ASTN2: variants seen among roughly 807,000 people sequenced by gnomAD.
ASTN2 encodes the protein astrotactin-2.
ASTN2 carries 54 observed loss-of-function variants against 139.8 expected under a neutral mutation model. That is an observed-to-expected ratio of 0.39 (90% CI 0.31 to 0.48). The LOEUF is 0.48. ASTN2 is among the 20% of genes least tolerant of loss of function. The pLI, the probability that ASTN2 is intolerant of heterozygous loss-of-function variation, is 0.95. For synonymous variants in ASTN2, 756 were observed against 719.5 expected (o/e 1.05, Z -0.81); for missense variants, 1,565 against 1,725.1 (o/e 0.91, Z 1.64).
At chr9:116,682,337 C>T (rs1429875861) in intron 16 of ASTN2, among the ~76,000 whole-genome samples, 5 of 152,184 alleles carry the variant, frequency 3.3e-5, no homozygotes, top group Non-Finnish European at 7.3e-5. Flanking sequence ...TACCATCTCA[C>T]ACCAGTTAGA....
intron 19 of ASTN2, among the ~76,000 whole-genome samples, chr9:116,572,989 ATGCG>A (rs1427695069): frequency 0.022 from 3,303 of 150,970 alleles, 97 homozygotes; most frequent in African/African-American, 0.069. Flanking sequence ...ATGTGGGTAC[ATGCG>A]TGCACACATG....
chr9:117,250,178 T>C (rs777815768), intron 2 of ASTN2, among the ~76,000 whole-genome samples: 2 of 152,182 alleles, frequency 1.3e-5, no homozygotes, highest in Non-Finnish European at 2.9e-5. Flanking sequence ...GATGCAGACA[T>C]AGGAACTGGC....
At chr9:116,774,693 G>C (rs936056246) in intron 13 of ASTN2, among the ~76,000 whole-genome samples, 1 of 152,104 alleles carries the variant, frequency 6.6e-6, no homozygotes, top group African/African-American at 2.4e-5. Flanking sequence ...CTAGGAACAG[G>C]AATAATAATC....
At chr9:116,943,160 C>T (rs1264890190) in intron 10 of ASTN2, among the ~76,000 whole-genome samples, 1 of 152,108 alleles carries the variant, frequency 6.6e-6, no homozygotes, top group Non-Finnish European at 1.5e-5. Context: ...AGCTCATAGA[C>T]TGAAGGGAAG....
At chr9:116,608,610 G>GTTTGAACAAAAGAGTTTGAACAAAATAT (rs1564150251) in intron 19 of ASTN2, among the ~76,000 whole-genome samples, 8 of 150,528 alleles carry the variant, frequency 5.3e-5, no homozygotes, top group Admixed American at 2.0e-4. Context: ...GAACAAAAGA[G>GTTTGAACAAAAGAGTTTGAACAAAATAT]TTTGAACAAA....
chr9:116,440,324 T>C (rs1239931476), intron 22 of ASTN2, among the ~76,000 whole-genome samples: 3 of 152,114 alleles, frequency 2.0e-5, no homozygotes. Context: ...AGAGCCTAAG[T>C]TTCCTATCTG....
At chr9:117,372,617 T>C (rs1009008132) in intron 1 of ASTN2, among the ~76,000 whole-genome samples, 1 of 152,144 alleles carries the variant, frequency 6.6e-6, no homozygotes, top group Non-Finnish European at 1.5e-5. Flanking sequence ...TTAAATGAGA[T>C]GATAAATACA....
intron 7 of ASTN2, among the ~76,000 whole-genome samples, chr9:116,995,497 G>T (rs1047292051): frequency 2.0e-5 from 3 of 152,172 alleles, no homozygotes; most frequent in African/African-American, 7.2e-5. Flanking sequence ...TTAGACAATG[G>T]GTTGGGTATG....
intron 2 of ASTN2, among the ~76,000 whole-genome samples, chr9:117,239,926 C>A (rs1240275851): frequency 3.3e-5 from 5 of 152,202 alleles, no homozygotes; most frequent in African/African-American, 1.2e-4. Flanking sequence ...TTTAACTCTT[C>A]CAACACTATG....
intron 6 of ASTN2, among the ~76,000 whole-genome samples, chr9:117,028,691 T>C (rs557063277): frequency 1.4e-4 from 21 of 152,300 alleles, no homozygotes; most frequent in African/African-American, 4.6e-4. Context: ...TGGGCTCAGC[T>C]GTTTGCTCAG....
At chr9:116,865,248 C>T (rs1197592238) in intron 10 of ASTN2, among the ~76,000 whole-genome samples, 1 of 151,656 alleles carries the variant, frequency 6.6e-6, no homozygotes, top group African/African-American at 2.4e-5. Flanking sequence ...AGGAAGGAGG[C>T]TTGATTGAGC....
intron 13 of ASTN2, among the ~76,000 whole-genome samples, chr9:116,770,079 G>A (rs1310428347): frequency 2.0e-5 from 3 of 147,996 alleles, no homozygotes; most frequent in African/African-American, 7.5e-5. Context: ...TTAAATTGGG[G>A]GCATAAACAA....
intron 3 of ASTN2, among the ~76,000 whole-genome samples, chr9:117,148,080 C>T (rs1830243140): frequency 6.6e-6 from 1 of 152,160 alleles, no homozygotes. Context: ...AGACTGTCCA[C>T]CATGGAGGTT....
chr9:116,498,597 C>CA (rs371021345), intron 19 of ASTN2, among the ~76,000 whole-genome samples: 5,633 of 134,134 alleles, frequency 0.042, 204 homozygotes, highest in African/African-American at 0.11. Flanking sequence ...GACCCTACCT[C>CA]AAAAAAAAAA....
chr9:117,003,263 C>T (rs917743641), intron 7 of ASTN2, among the ~76,000 whole-genome samples: 12 of 152,068 alleles, frequency 7.9e-5, no homozygotes, highest in African/African-American at 2.2e-4. Flanking sequence ...AGCCTTGCTG[C>T]AACAGGGTAG....
intron 5 of ASTN2, among the ~76,000 whole-genome samples, chr9:117,066,468 G>C (rs1176573100): frequency 6.8e-6 from 1 of 147,910 alleles, no homozygotes; most frequent in Non-Finnish European, 1.5e-5. Flanking sequence ...GAATAATGCT[G>C]CAATAAACAT....
At chr9:117,407,716 G>A (rs1831035716) in intron 1 of ASTN2, among the ~76,000 whole-genome samples, 1 of 152,208 alleles carries the variant, frequency 6.6e-6, no homozygotes, top group Non-Finnish European at 1.5e-5. Flanking sequence ...GCCAGTGAAA[G>A]GAGAGAACAA....
intron 4 of ASTN2, among the ~76,000 whole-genome samples, chr9:117,117,959 G>A (rs2132805851): frequency 6.6e-6 from 1 of 152,106 alleles, no homozygotes; most frequent in Admixed American, 6.5e-5. Context: ...AACCCCTTTT[G>A]AAAATCACCG....
chr9:116,508,641 T>C (rs1022440791), intron 19 of ASTN2, among the ~76,000 whole-genome samples: 1 of 152,168 alleles, frequency 6.6e-6, no homozygotes, highest in South Asian at 2.1e-4. Context: ...CAGATGATTT[T>C]AGTTTTGCCT....
Sources: gnomAD v4.1 joint callset for allele counts (sites outside exome capture counted in the v4.1 genomes callset) on GRCh38, gnomAD v4.1.1 for gene constraint, MANE v1.5 for transcripts, NCBI Gene and HGNC (gene_info 2026-07-23, HGNC 2026-07-21) for gene names.